The following SNTB2 variants were observed in gnomAD, a reference collection of about 807,000 sequenced individuals.
SNTB2 encodes the protein syntrophin beta 2.
In SNTB2, 34 loss-of-function variants were observed where a neutral mutation model predicts 46.2. The observed-to-expected ratio is 0.74, with a 90% CI of 0.56 to 0.98. SNTB2 has a LOEUF of 0.98. Among genes scored for constraint, SNTB2 ranks in the 50% least tolerant of loss-of-function variants. The pLI, the probability that SNTB2 is intolerant of heterozygous loss-of-function variation, is 0.00. For synonymous variants in SNTB2, 290 were observed against 312.6 expected, an observed-to-expected ratio of 0.93 and a Z score of 0.76; for missense variants, 603 against 731.4, an observed-to-expected ratio of 0.82 and a Z score of 2.02.
chr16:69,259,664 T>A (rs892198426), intron 2 of SNTB2, among the ~76,000 whole-genome samples: 1 of 146,380 alleles, frequency 6.8e-6, no homozygotes, highest in African/African-American at 2.5e-5. Context: ...AGTACAGTGG[T>A]GTGATCTTGG....
intron 1 of SNTB2, among the ~76,000 whole-genome samples, chr16:69,232,128 A>G (rs1359170125): frequency 6.6e-6 from 1 of 151,982 alleles, no homozygotes; most frequent in East Asian, 1.9e-4. Context: ...TTAGACTTCG[A>G]TGAGGCCTAA....
chr16:69,265,830 GAAAA>G (rs762058012), intron 3 of SNTB2, among the ~76,000 whole-genome samples: 1 of 67,514 alleles, frequency 1.5e-5, no homozygotes, highest in Non-Finnish European at 3.3e-5. Flanking sequence ...CCGTGCCAAA[GAAAA>G]AAAAAAAAAA....
chr16:69,220,827 T>C (rs1964396691), intron 1 of SNTB2, among the ~76,000 whole-genome samples: 1 of 152,200 alleles, frequency 6.6e-6, no homozygotes, highest in Non-Finnish European at 1.5e-5. Flanking sequence ...CCACTGTGCC[T>C]GGCCCAGTTC....
chr16:69,253,913 C>G (rs1201385081), intron 2 of SNTB2, among the ~76,000 whole-genome samples: 1 of 152,102 alleles, frequency 6.6e-6, no homozygotes, highest in African/African-American at 2.4e-5. Context: ...TAAAGACTTT[C>G]AGAAGGTGAA....
At chr16:69,189,297 C>G (rs1964026113) in intron 1 of SNTB2, among the ~76,000 whole-genome samples, 1 of 150,990 alleles carries the variant, frequency 6.6e-6, no homozygotes, top group Non-Finnish European at 1.5e-5. Flanking sequence ...GGTGTGTGTC[C>G]AAAAAAAACT....
intron 5 of SNTB2, among the ~76,000 whole-genome samples, chr16:69,297,070 C>G (rs1002906642): frequency 1.3e-4 from 20 of 151,618 alleles, no homozygotes; most frequent in Non-Finnish European, 2.4e-4. Flanking sequence ...TTTGGGAGAC[C>G]GAGGCAAGTG....
rs780732546 is a variant in SNTB2, at chr16:69,187,189, C to T, written c.23C>T (p.Ala8Val). 2.6e-5 allele frequency: 36 copies of T among 1,377,278 alleles called. No homozygotes were observed. The African/African-American group carries it at 4.2e-4, about 16-fold the overall frequency. 85.3% of individuals were successfully genotyped at this position (1,377,278 alleles called of 1,614,324 possible). ...GGAATGAGGGTAGCTGCGGCGACTG[C>T]GGCGGCTGGAGCGGGGCCGGCCATG... MRVAAAT[A>V]AAGAGPAMAV... Residue 8 changes from alanine to valine, a missense_variant, in exon 1 of 7, where the codon GCG (alanine) becomes GTG (valine). Around this residue, in one of 2 missense-constraint regions of SNTB2, gnomAD observed 66 missense variants for 39.0 expected, o/e 1.69. Coordinates refer to ENST00000336278, the MANE Select transcript of SNTB2 (RefSeq NM_006750.4).
chr16:69,234,358 CA>C (rs1355989694), intron 1 of SNTB2, among the ~76,000 whole-genome samples: 1 of 151,946 alleles, frequency 6.6e-6, no homozygotes, highest in Non-Finnish European at 1.5e-5. Context: ...ACTAAGTGGC[CA>C]ATAATTAGGG....
chr16:69,231,376 G>A (rs932863397), intron 1 of SNTB2, among the ~76,000 whole-genome samples: 2 of 151,998 alleles, frequency 1.3e-5, no homozygotes, highest in African/African-American at 2.4e-5. Context: ...ATCATCTGAG[G>A]TGGGGAGATG....
intron 4 of SNTB2, among the ~76,000 whole-genome samples, chr16:69,271,293 G>T (rs1307821837): frequency 6.6e-6 from 1 of 152,096 alleles, no homozygotes; most frequent in East Asian, 1.9e-4. Flanking sequence ...GTATTAGGGA[G>T]GTGTGTCCTC....
At chr16:69,206,518 C>T (rs1964221047) in intron 1 of SNTB2, among the ~76,000 whole-genome samples, 9 of 151,382 alleles carry the variant, frequency 5.9e-5, no homozygotes, top group Admixed American at 5.9e-4. Context: ...ATGGAGAAAC[C>T]CTATCTCTAC....
chr16:69,199,554 C>T (rs1964139354), intron 1 of SNTB2, among the ~76,000 whole-genome samples: 1 of 139,952 alleles, frequency 7.1e-6, no homozygotes, highest in Admixed American at 7.5e-5. Flanking sequence ...ATGATTGCAC[C>T]ACTGCACTCC....
At position 69,187,185 on chromosome 16, in the gene SNTB2, ACTGCGGCGG is replaced by A; in HGVS notation, c.23_31del (p.Ala8_Ala10del). ...GACTGGAATGAGGGTAGCTGCGGCG[ACTGCGGCGG>A]CTGGAGCGGGGCCGGCCATGGCGGT... is the stretch of plus-strand genomic sequence containing the variant. On this transcript the variant is annotated inframe_deletion, in exon 1 of 7. Coordinates refer to ENST00000336278, the MANE Select transcript of SNTB2 (RefSeq NM_006750.4). The A allele has an allele frequency of 1.5e-6, 2 of 1,377,926 alleles. No homozygotes were observed. Among genetic ancestry groups the A allele is most frequent in the Non-Finnish European group, 1.9e-6 (2 of 1,063,544 alleles). The allele number at this position is 1,377,926 out of a possible 1,614,324, so 85.4% of individuals were successfully genotyped here. A position where few individuals can be genotyped will look rare whatever the true frequency, so the allele number is the denominator to read the frequency against.
At chr16:69,277,170 A>G (rs1964991843) in intron 4 of SNTB2, among the ~76,000 whole-genome samples, 1 of 152,212 alleles carries the variant, frequency 6.6e-6, no homozygotes, top group Non-Finnish European at 1.5e-5. Flanking sequence ...CACATCACCA[A>G]AATGAGTCTG....
chr16:69,265,037 C>T (rs528967894), intron 3 of SNTB2, among the ~76,000 whole-genome samples: 6 of 152,036 alleles, frequency 3.9e-5, no homozygotes, highest in Non-Finnish European at 7.4e-5. Flanking sequence ...ATCACAAGGT[C>T]GGGAGATCAA....
At chr16:69,266,651 A>C (rs899643620) in intron 3 of SNTB2, among the ~76,000 whole-genome samples, 5 of 152,222 alleles carry the variant, frequency 3.3e-5, no homozygotes, top group African/African-American at 1.2e-4. Context: ...AGGTTTTCCA[A>C]ATGCTTATAC....
In SNTB2 at chr16:69,245,071, T is replaced by C. The variant is rs79716683; in HGVS notation, c.581-531T>C. ...ATGGCTTGAGAAGACAGGGAACCAG[T>C]GGGTAGAAGTATGGAGAAGTTTCTA... On this transcript the variant is annotated intron_variant, in intron 1 of 6. Transcript: ENST00000336278. 9.4e-3 allele frequency among the ~76,000 whole-genome samples: 1,438 copies of C among 152,278 alleles called. 15 individuals are homozygous for C. The highest frequency in any genetic ancestry group is 0.012 in the Non-Finnish European group (794 of 68,016).
At chr16:69,296,751 G>A (rs1965229633) in intron 5 of SNTB2, among the ~76,000 whole-genome samples, 1 of 150,188 alleles carries the variant, frequency 6.7e-6, no homozygotes, top group Admixed American at 6.7e-5. Flanking sequence ...GAAATCTCAG[G>A]GGCCAAGCAC....
chr16:69,287,547 G>A (rs914958433), intron 5 of SNTB2, among the ~76,000 whole-genome samples: 4 of 152,052 alleles, frequency 2.6e-5, no homozygotes, highest in African/African-American at 9.7e-5. Flanking sequence ...TCCAAGCTGG[G>A]AGATAGAGTG....
Sources: allele counts gnomAD v4.1 joint callset (sites outside exome capture counted in the v4.1 genomes callset), GRCh38; gene constraint gnomAD v4.1.1; regional missense constraint gnomAD v4.1.1; transcripts MANE v1.5; gene names NCBI Gene and HGNC (gene_info 2026-07-23, HGNC 2026-07-21).